Variants in HSPG2 observed in about 807,000 individuals in gnomAD.
HSPG2 encodes the protein basement membrane-specific heparan sulfate proteoglycan core protein.
A neutral mutation model predicts 526.6 loss-of-function variants in HSPG2; 278 were observed. The ratio of observed to expected loss-of-function variants is 0.53; its 90% CI spans 0.48 to 0.58. HSPG2 has a LOEUF of 0.58. Among genes scored for constraint, HSPG2 ranks in the 20% least tolerant of loss-of-function variants. The pLI is 0.00. For missense variants in HSPG2, 5,354 were observed against 6,099.5 expected (o/e 0.88, Z 4.07); for synonymous variants, 2,465 against 2,555.4 (o/e 0.96, Z 1.07).
Position 21,890,520 on chromosome 1 carries a change from C to G in HSPG2, c.355-35G>C. On this transcript the variant is annotated intron_variant, in intron 4 of 96. Transcript: ENST00000374695. This position sits in a 1 kb window ranked among gnomAD's most constrained non-coding sequence, Gnocchi z 4.1. ...GACACAGTGCCATCAGCCCCAGAGGCCTTCACCCCATCCTCGGTCCTGCCC... is the reference window on the plus strand; with the variant it reads ...GACACAGTGCCATCAGCCCCAGAGGGCTTCACCCCATCCTCGGTCCTGCCC... The G allele has an allele frequency of 1.2e-6, 2 of 1,612,526 alleles. No homozygotes were observed. Among genetic ancestry groups the G allele is most frequent in the Non-Finnish European group, 1.7e-6 (2 of 1,178,610 alleles).
rs776638918 is a variant in HSPG2, at chr1:21,833,643, G to C, written c.10831-29C>G. 8.1e-6 allele frequency: 13 copies of C among 1,613,642 alleles called. No individual in the cohort carries two copies. In the Admixed American group the frequency reaches 8.3e-5, roughly 10 times the overall value. ...CAAATGCACTAGCACTGAGGGCCCT[G>C]GCCTTGGCCCACGGCTCCAGGGGCC... On this transcript the variant is annotated intron_variant, in intron 78 of 96. Transcript: ENST00000374695.
intron 3 of HSPG2, among the ~76,000 whole-genome samples, chr1:21,892,100 G>A (rs1204692303): frequency 6.6e-6 from 1 of 152,228 alleles, no homozygotes; most frequent in Non-Finnish European, 1.5e-5. Flanking sequence ...TCCTCCTCCC[G>A]CTTTACTCTG....
At chr1:21,923,414 A>T (rs547483306) in intron 1 of HSPG2, among the ~76,000 whole-genome samples, 1 of 152,294 alleles carries the variant, frequency 6.6e-6, no homozygotes, top group South Asian at 2.1e-4. Context: ...TCAAAAAAAA[A>T]AATAAAATAA....
At position 21,876,570 on chromosome 1, in the gene HSPG2, T is replaced by C. The variant is rs756146640; in HGVS notation, c.2768A>G (p.Lys923Arg). 1.9e-6 allele frequency: 3 copies of C among 1,614,088 alleles called. No individual in the cohort carries two copies. Among genetic ancestry groups the C allele is most frequent in the Admixed American group, 1.7e-5 (1 of 59,998 alleles). ...LSTRNPDGCL[K>R]CFCMGVSRHC... ...GCGACTGACACCCATGCAGAAGCACTTGAGGCAGCCATCGGGGTTTCGGGT... is the reference window on the plus strand; with the variant it reads ...GCGACTGACACCCATGCAGAAGCACCTGAGGCAGCCATCGGGGTTTCGGGT... Residue 923 changes from lysine to arginine, a missense_variant, in exon 22 of 97, where the codon AAG (lysine) becomes AGG (arginine). Physicochemically the swap from Lys to Arg is conservative, Grantham distance 26. Coordinates refer to ENST00000374695, the MANE Select transcript of HSPG2 (RefSeq NM_005529.7).
chr1:21,881,639 A>C (rs1399208013), intron 13 of HSPG2, 137 bp from the exon 14 acceptor site: 1 of 845,782 alleles, frequency 1.2e-6, no homozygotes, highest in Non-Finnish European at 1.8e-6. Context: ...CTCTCTTCCA[A>C]AGTGAAGAAA....
chr1:21,860,255 C>T lies in HSPG2; in HGVS notation c.4956-20G>A. 6.2e-7 allele frequency: 1 copy of T among 1,609,942 alleles called. No individual in the cohort carries two copies. Among genetic ancestry groups the T allele is most frequent in the Non-Finnish European group, 8.5e-7 (1 of 1,178,060 alleles). Reference sequence around the variant, plus strand: ...CCACACCTGTAAGGGGGAACAAGGGCCGGCAATGTCAGGCCTCAAGGGCCC... The same window carrying T: ...CCACACCTGTAAGGGGGAACAAGGGTCGGCAATGTCAGGCCTCAAGGGCCC... On this transcript the variant is annotated intron_variant, in intron 39 of 96. Transcript: ENST00000374695.
At chr1:21,871,350 C>A (rs1162339558) in intron 33 of HSPG2, among the ~76,000 whole-genome samples, 1 of 148,678 alleles carries the variant, frequency 6.7e-6, no homozygotes, top group Non-Finnish European at 1.5e-5. Context: ...ACCTCCCCAT[C>A]CTGGGTACCA....
rs10917058 is a variant in HSPG2, at chr1:21,872,682, G to C, written c.3967C>G (p.Leu1323Val). The C allele has an allele frequency of 1.1e-3, 1,777 of 1,606,344 alleles. 21 individuals carry two copies. The African/African-American group carries it at 0.021, about 19-fold the overall frequency. ...GTGATGCCCATACAGAAGCAGGGCA[G>C]GCAGCCGTCTGGGTTGCTGGCACTC... The part of the protein sequence containing the change: ...HLSASNPDGC[L>V]PCFCMGITQQ... Residue 1323 changes from leucine to valine, a missense_variant, in exon 32 of 97, where the codon CTG (leucine) becomes GTG (valine). By Grantham distance (32) the Leu-to-Val change is conservative (BLOSUM62 1). Coordinates refer to ENST00000374695, the MANE Select transcript of HSPG2 (RefSeq NM_005529.7). The surrounding 1 kb of genome is among the most constrained non-coding windows in gnomAD (Gnocchi z 5.5).
At position 21,828,776 on chromosome 1, in the gene HSPG2, G is replaced by A. The variant is rs1572144417; in HGVS notation, c.12237+59C>T. ...AATGCCAAGGTGCTTGGAGAGCCGA[G>A]GGGGACACAAGGCTTGGCACCCCTC... On this transcript the variant is annotated intron_variant, in intron 88 of 96. Transcript: ENST00000374695. The surrounding 1 kb of genome is among the most constrained non-coding windows in gnomAD (Gnocchi z 6.0). The A allele has an allele frequency of 1.3e-6, 2 of 1,549,016 alleles. No individual in the cohort carries two copies. The highest frequency in any genetic ancestry group is 2.0e-5 in the Admixed American group (1 of 51,002).
intron 1 of HSPG2, among the ~76,000 whole-genome samples, chr1:21,905,922 G>A (rs1348378690): frequency 1.3e-5 from 2 of 152,210 alleles, no homozygotes; most frequent in Non-Finnish European, 2.9e-5. Flanking sequence ...GAGGCAGGAG[G>A]ACTGCTTGAG....
In HSPG2 at chr1:21,922,393, T is replaced by C. The variant is rs530250488; in HGVS notation, c.63+14762A>G. ...GCTAACAGCCACAGCAAGGCGGCTC[T>C]GGGCTCTTTTCTGGGCGGTCTGAAG... is the stretch of plus-strand genomic sequence containing the variant. On this transcript the variant is annotated intron_variant, in intron 1 of 96. Transcript: ENST00000374695. 2.6e-5 allele frequency among the ~76,000 whole-genome samples: 4 copies of C among 152,360 alleles called. No homozygotes were observed. The East Asian group carries it at 7.7e-4, about 29-fold the overall frequency.
At chr1:21,869,659 T>A (rs1158703034) in intron 33 of HSPG2, 1 of 985,854 alleles carries the variant, frequency 1.0e-6, no homozygotes, top group Admixed American at 6.1e-5. Flanking sequence ...CTGAGCCTCG[T>A]CCACCTGGGG....
intron 77 of HSPG2, among the ~76,000 whole-genome samples, chr1:21,834,470 T>C (rs747424769): frequency 6.6e-6 from 1 of 152,146 alleles, no homozygotes; most frequent in African/African-American, 2.4e-5. Context: ...CCTAGCTCTC[T>C]CCCTGTACAT....
rs1016928290 is a variant in HSPG2 at position 21,904,374 on chromosome 1, C to T, written c.64-8064G>A. On this transcript the variant is annotated intron_variant, in intron 1 of 96. Coordinates refer to ENST00000374695, the MANE Select transcript of HSPG2 (RefSeq NM_005529.7). This position sits in a 1 kb window ranked among gnomAD's most constrained non-coding sequence, Gnocchi z 4.4. ...AGGGCTGGAGAGGGCACGGCACGTT[C>T]GCGGGGTGGGAGGAAGCCTGGTGCA... 6.6e-6 allele frequency among the ~76,000 whole-genome samples: 1 copy of T among 152,154 alleles called. No individual in the cohort carries two copies. Among genetic ancestry groups the T allele is most frequent in the Non-Finnish European group, 1.5e-5 (1 of 68,032 alleles).
chr1:21,864,788 G>A lies in HSPG2; in HGVS notation c.4626+55C>T. The A allele has an allele frequency of 6.9e-7, 1 of 1,455,656 alleles. No individual in the cohort carries two copies. 90.2% of individuals were successfully genotyped at this position (1,455,656 alleles called of 1,614,324 possible). On this transcript the variant is annotated intron_variant, in intron 36 of 96. Transcript: ENST00000374695. The surrounding 1 kb of genome is among the most constrained non-coding windows in gnomAD (Gnocchi z 4.8). ...AGGCTGCGGCGACGCCGGCTGATTT[G>A]CTTGCTGATGCCTCTGTGCCTGTGC... is the stretch of plus-strand genomic sequence containing the variant.
At chr1:21,850,974 CTTTT>C (rs11431222) in intron 55 of HSPG2, among the ~76,000 whole-genome samples, 1 of 140,826 alleles carries the variant, frequency 7.1e-6, no homozygotes, top group Non-Finnish European at 1.5e-5. Flanking sequence ...CTGTGAGGTA[CTTTT>C]TTTTTTTTTT....
rs759948847 is a variant in HSPG2 at position 21,887,013 on chromosome 1, G to A, written c.1078+202C>T. On this transcript the variant is annotated intron_variant, in intron 9 of 96. Transcript: ENST00000374695. This position sits in a 1 kb window ranked among gnomAD's most constrained non-coding sequence, Gnocchi z 5.0. The stretch of plus-strand genomic sequence containing the variant: ...CCAGCTCAGGGCCAAGGGGCCTTAC[G>A]GCTCTGGTTAGAGATAAACCTTGGG... Among the ~76,000 whole-genome samples the A allele has an allele frequency of 3.3e-5, 5 of 152,174 alleles. No homozygotes were observed. Among genetic ancestry groups the A allele is most frequent in the Non-Finnish European group, 7.3e-5 (5 of 68,032 alleles).
intron 53 of HSPG2, 47 bp from the exon 54 acceptor site, chr1:21,851,973 G>A: frequency 6.2e-7 from 1 of 1,607,274 alleles, no homozygotes; most frequent in Non-Finnish European, 8.5e-7. Flanking sequence ...CCGGAGGCCA[G>A]CAAATGCCCC....
rs138100544 is a variant in HSPG2 at position 21,852,981 on chromosome 1, C to T, written c.6529G>A (p.Gly2177Arg). ...CACGTGACCTGGGCGTGGGCCTGCC[C>T]GGGCACCACGCAGTTCAGATCCAGG... ...QTLDLNCVVPGQAHAQVTWHK... is the reference protein window; with the variant it reads ...QTLDLNCVVPRQAHAQVTWHK... The change falls in exon 51 of 97, where the codon GGG (glycine) becomes AGG (arginine). Residue 2177 changes from glycine to arginine, a missense_variant. By Grantham distance (125) the Gly-to-Arg change is moderately radical. Coordinates refer to ENST00000374695, the MANE Select transcript of HSPG2 (RefSeq NM_005529.7). The T allele has an allele frequency of 3.7e-5, 59 of 1,613,512 alleles. No homozygotes were observed. Among genetic ancestry groups the T allele is most frequent in the Middle Eastern group, 1.6e-4 (1 of 6,072 alleles).
Sources: gnomAD v4.1 joint callset for allele counts (sites outside exome capture counted in the v4.1 genomes callset) on GRCh38, gnomAD v4.1.1 for gene constraint, Gnocchi (gnomAD v3.1) non-coding constraint, MANE v1.5 for transcripts, NCBI Gene and HGNC (gene_info 2026-07-23, HGNC 2026-07-21) for gene names.